Variants in ANKRD35 observed in about 807,000 individuals in gnomAD.
ANKRD35 encodes ankyrin repeat domain-containing protein 35.
In ANKRD35, 102 loss-of-function variants were observed where a neutral mutation model predicts 109.9. The observed-to-expected ratio is 0.93, with a 90% CI of 0.79 to 1.09. The LOEUF (loss-of-function observed/expected upper bound fraction) is 1.09, where lower values mean the gene tolerates loss of function less well. ANKRD35 is among the 50% of genes least tolerant of loss of function. The pLI, the probability that ANKRD35 is intolerant of heterozygous loss-of-function variation, is 0.00. For missense variants in ANKRD35, 1,240 were observed against 1,230.1 expected, an observed-to-expected ratio of 1.01 and a Z score of -0.12; for synonymous variants, 515 against 512.4, an observed-to-expected ratio of 1.01 and a Z score of -0.07.
In ANKRD35 at chr1:145,872,842, T is replaced by C; in HGVS notation, c.1927A>G (p.Arg643Gly). The C allele has an allele frequency of 6.2e-7, 1 of 1,614,048 alleles. No individual in the cohort carries two copies. The highest frequency in any genetic ancestry group is 8.5e-7 in the Non-Finnish European group (1 of 1,180,012). ...CGCTGGCTCAGGGACTGTAGCTCCC[T>C]CTGCAACCTCTGCCGCTCCCGCCCC... ...ELGRERQRLQ[R>G]ELQSLSQRLQ... is the part of the protein sequence containing the mutation. The change falls in exon 10 of 14, where the codon AGG becomes GGG. Residue 643 changes from arginine (R) to glycine (G), a missense_variant. By Grantham distance (125) the Arg-to-Gly change is moderately radical. Transcript: ENST00000355594.
At chr1:145,876,364 C>A in intron 6 of ANKRD35, 118 bp from the exon 7 acceptor site, 1 of 1,155,200 alleles carries the variant, frequency 8.7e-7, no homozygotes, top group South Asian at 1.4e-5. Context: ...GATCTTGGGT[C>A]TGAACACTCC....
chr1:145,884,661 T>G (rs1212935570), intron 1 of ANKRD35, among the ~76,000 whole-genome samples: 1 of 151,532 alleles, frequency 6.6e-6, no homozygotes, highest in Admixed American at 6.6e-5. Context: ...TGGGAGAACA[T>G]GGGGAATAGA....
At chr1:145,882,933 G>A (rs1553741355) in intron 1 of ANKRD35, among the ~76,000 whole-genome samples, 2 of 152,124 alleles carry the variant, frequency 1.3e-5, no homozygotes, top group African/African-American at 4.8e-5. Flanking sequence ...CTCTGGCTGT[G>A]TACCTATAAG....
Position 145,876,906 on chromosome 1 carries a change from G to A in ANKRD35, c.325-33C>T. ...TGGCCACAAAGGGAAGCAGCATGGA[G>A]CTTGGTGTTAACATCCTCATCCCAT... On this transcript the variant is annotated intron_variant, in intron 4 of 13. Transcript: ENST00000355594. The A allele has an allele frequency of 2.5e-6, 4 of 1,612,662 alleles. No individual in the cohort carries two copies. In the South Asian group the frequency reaches 4.4e-5, roughly 18 times the overall value.
Position 145,878,438 on chromosome 1 carries a change from G to A in ANKRD35, c.212C>T (p.Thr71Ile), listed in dbSNP as rs1553740548. 6.4e-7 allele frequency: 1 copy of A among 1,573,328 alleles called. No individual in the cohort carries two copies. The highest frequency in any genetic ancestry group is 2.3e-5 in the East Asian group (1 of 43,008). The change falls in exon 3 of 14, where the codon ACT becomes ATT. Residue 71 changes from threonine (T) to isoleucine (I), a missense_variant. Coordinates refer to ENST00000355594, the MANE Select transcript of ANKRD35 (RefSeq NM_144698.5). ...GTCAGCCCCATTTGCAAGCAGGATA[G>A]TCAGACATTCTGTCAGGCCTTTGGA... ...AASKGLTECL[T>I]ILLANGADIN...
Position 145,872,782 on chromosome 1 carries a change from G to C in ANKRD35, c.1987C>G (p.Gln663Glu), listed in dbSNP as rs781807468. 13 of 1,614,110 alleles carry C rather than the reference G, an allele frequency of 8.1e-6. No homozygotes were observed. The highest frequency in any genetic ancestry group is 1.1e-5 in the Non-Finnish European group (13 of 1,179,990). The change falls in exon 10 of 14, where the codon CAG becomes GAG. Residue 663 changes from glutamine (Q) to glutamate (E), a missense_variant. Physicochemically the swap from Gln to Glu is conservative, Grantham distance 29 (BLOSUM62 2). Coordinates refer to ENST00000355594, the MANE Select transcript of ANKRD35 (RefSeq NM_144698.5). ...TGTCGCAACTGCTGTAGCTGGACCTGCGCCTGTGGCTTGGGCACAAACTCC... is the reference window on the plus strand; with the variant it reads ...TGTCGCAACTGCTGTAGCTGGACCTCCGCCTGTGGCTTGGGCACAAACTCC... Reference protein sequence around the residue: ...QREFVPKPQAQVQLQQLRQSV... With the variant: ...QREFVPKPQAEVQLQQLRQSV...
chr1:145,880,143 G>C (rs1654233925), intron 1 of ANKRD35, among the ~76,000 whole-genome samples: 2 of 152,176 alleles, frequency 1.3e-5, no homozygotes, highest in Admixed American at 6.5e-5. Flanking sequence ...CAGCTGTCTA[G>C]ACAACAGCCA....
chr1:145,871,146 CTTTTT>C, intron 10 of ANKRD35, among the ~76,000 whole-genome samples: 1 of 51,572 alleles, frequency 1.9e-5, no homozygotes, highest in Non-Finnish European at 4.2e-5. Context: ...TCTTTCTTTT[CTTTTT>C]TCTTTTTTTT....
chr1:145,884,492 A>C (rs1654406565), intron 1 of ANKRD35, among the ~76,000 whole-genome samples: 1 of 152,238 alleles, frequency 6.6e-6, no homozygotes, highest in Non-Finnish European at 1.5e-5. Context: ...ATATTGCTAC[A>C]AGTAGCTGGC....
At position 145,878,307 on chromosome 1, in the gene ANKRD35, G is replaced by A. The variant is rs1277357855; in HGVS notation, c.259+84C>T. 5.8e-6 allele frequency: 8 copies of A among 1,375,006 alleles called. No individual in the cohort carries two copies. The Admixed American group carries it at 9.9e-5, about 17-fold the overall frequency. 85.2% of individuals were successfully genotyped at this position (1,375,006 alleles called of 1,614,324 possible). ...AGAAGCAAGGGGCCACAGTAGGAATGTCCAGCAGGGCCCAGCACCGCCCCC... is the reference window on the plus strand; with the variant it reads ...AGAAGCAAGGGGCCACAGTAGGAATATCCAGCAGGGCCCAGCACCGCCCCC... On this transcript the variant is annotated intron_variant, in intron 3 of 13. Transcript: ENST00000355594.
intron 11 of ANKRD35, 111 bp downstream of exon 11, chr1:145,868,200 C>T: frequency 6.7e-7 from 1 of 1,482,616 alleles, no homozygotes; most frequent in Non-Finnish European, 9.4e-7. Context: ...AGCCAGGCCT[C>T]TGTAATTCCT....
chr1:145,867,489 A>G, intron 12 of ANKRD35, 97 bp from the exon 13 acceptor site: 1 of 982,140 alleles, frequency 1.0e-6, no homozygotes, highest in Non-Finnish European at 1.6e-6. Context: ...AAGGCTATTT[A>G]TTTACTATAT....
At chr1:145,879,423 C>G in intron 1 of ANKRD35, 35 bp from the exon 2 acceptor site, 1 of 1,465,442 alleles carries the variant, frequency 6.8e-7, no homozygotes, top group Non-Finnish European at 9.1e-7. Context: ...GAATATAGGG[C>G]ATGAGGGTAG....
At chr1:145,867,166 C>G in intron 13 of ANKRD35, 121 bp downstream of exon 13, 1 of 656,666 alleles carries the variant, frequency 1.5e-6, no homozygotes, top group Non-Finnish European at 2.7e-6. Flanking sequence ...TGCTCTATGC[C>G]CCAAAAGGCT....
In ANKRD35 at chr1:145,867,992, C is replaced by T. The variant is rs377017276; in HGVS notation, c.2942G>A (p.Arg981Gln). 99 of 1,614,058 alleles carry T rather than the reference C, an allele frequency of 6.1e-5. No individual in the cohort carries two copies. Among genetic ancestry groups the T allele is most frequent in the Admixed American group, 1.2e-4 (7 of 60,022 alleles). The change falls in exon 12 of 14, where the codon CGG (arginine) becomes CAG (glutamine). Residue 981 changes from arginine (R) to glutamine (Q), a missense_variant and splice_region_variant. By Grantham distance (43) the Arg-to-Gln change is conservative. Transcript: ENST00000355594. ...TYRNHLLNAARGYMEHEVYNI... is the reference protein window; with the variant it reads ...TYRNHLLNAAQGYMEHEVYNI... ...CCCTCAAAACTCCACCATGCTCACC[C>T]GAGCAGCATTCAGTAGATGATTCCT...
rs1553739459 is a variant in ANKRD35 at position 145,873,718 on chromosome 1, C to T, written c.1051G>A (p.Glu351Lys). 1.2e-6 allele frequency: 2 copies of T among 1,613,948 alleles called. No homozygotes were observed. The highest frequency in any genetic ancestry group is 1.3e-5 in the African/African-American group (1 of 75,044). Residue 351 changes from glutamate (E) to lysine (K), a missense_variant, in exon 10 of 14, where the codon GAG (glutamate) becomes AAG (lysine). Glu to Lys is a moderately conservative substitution (Grantham distance 56, BLOSUM62 1). Transcript: ENST00000355594. Reference sequence around the variant, plus strand: ...CCTTGCTTTCCTGAAGCTCTGGGCTCCCAGGATAGGAGGACCCCTAGCTCC... The same window carrying T: ...CCTTGCTTTCCTGAAGCTCTGGGCTTCCAGGATAGGAGGACCCCTAGCTCC... ...AQELGVLLSW[E>K]PRASGKQGSS...
At chr1:145,877,871 A>C (rs1341689587) in intron 4 of ANKRD35, 97 bp downstream of exon 4, 37 of 1,239,060 alleles carry the variant, frequency 3.0e-5, no homozygotes, top group Admixed American at 5.3e-5. Flanking sequence ...AGGCGAGTAC[A>C]TTTGGCCAAC....
rs55662836 is a variant in ANKRD35 at position 145,877,233 on chromosome 1, AT to A, written c.325-361del. 3.8e-3 allele frequency among the ~76,000 whole-genome samples: 535 copies of A among 140,112 alleles called. 1 individual carries two copies. The highest frequency in any genetic ancestry group is 4.8e-3 in the African/African-American group (181 of 37,850). The allele number at this position is 140,112 out of a possible 152,430, so 91.9% of individuals were successfully genotyped here. A position where few individuals can be genotyped will look rare whatever the true frequency, so the allele number is the denominator to read the frequency against. The stretch of plus-strand genomic sequence containing the variant: ...GCCTGATGGCCGGTTAAGATAACTG[AT>A]TTTTTTTTTTTTTTTTGAGACAGAG... On this transcript the variant is annotated intron_variant, in intron 4 of 13. Coordinates refer to ENST00000355594, the MANE Select transcript of ANKRD35 (RefSeq NM_144698.5).
rs782805362 is a variant in ANKRD35 at position 145,872,143 on chromosome 1, C to CGG, written c.2624_2625dup (p.Glu876ProfsTer38). Reference sequence around the variant, plus strand: ...AGGTCCCCGCTCCGGCGGCGCTCCTCGGCCACCGCCTCCCGCAGCCGACCC... The same window carrying CGG: ...AGGTCCCCGCTCCGGCGGCGCTCCTCGGGGCCACCGCCTCCCGCAGCCGACCC... On this transcript the variant is annotated frameshift_variant, in exon 10 of 14. Transcript: ENST00000355594. LOFTEE classifies it high-confidence loss of function. 3.1e-6 allele frequency: 5 copies of CGG among 1,609,106 alleles called. No homozygotes were observed. Among genetic ancestry groups the CGG allele is most frequent in the Non-Finnish European group, 3.4e-6 (4 of 1,178,030 alleles).
Sources: allele counts gnomAD v4.1 joint callset (sites outside exome capture counted in the v4.1 genomes callset), GRCh38; gene constraint gnomAD v4.1.1; transcripts MANE v1.5; gene names NCBI Gene and HGNC (gene_info 2026-07-23, HGNC 2026-07-21).